SLC27A1: variants seen among roughly 807,000 people sequenced by gnomAD.
The protein encoded by SLC27A1 is long-chain fatty acid transport protein 1.
In SLC27A1, 61 loss-of-function variants were observed where a neutral mutation model predicts 62.2. The observed-to-expected ratio is 0.98, with a 90% CI of 0.80 to 1.21. SLC27A1 has a LOEUF of 1.21. SLC27A1 is among the 50% of genes most tolerant of loss of function. The probability of loss-of-function intolerance (pLI) is 0.00; values close to 1 mark genes in which losing one functional copy is unlikely to be tolerated. For missense variants in SLC27A1, 903 were observed against 932.1 expected, an observed-to-expected ratio of 0.97 and a Z score of 0.41; for synonymous variants, 435 against 408.6, an observed-to-expected ratio of 1.06 and a Z score of -0.78.
chr19:17,475,243 C>T (rs2075111899), intron 1 of SLC27A1, among the ~76,000 whole-genome samples: 2 of 152,158 alleles, frequency 1.3e-5, no homozygotes, highest in South Asian at 4.1e-4. Context: ...GAGTAAAATA[C>T]ATCAGAATTG....
At chr19:17,475,792 G>C (rs1427269344) in intron 1 of SLC27A1, among the ~76,000 whole-genome samples, 3 of 152,168 alleles carry the variant, frequency 2.0e-5, no homozygotes, top group African/African-American at 7.2e-5. Context: ...ATTCATCCTT[G>C]TTGATTTCTT....
At position 17,477,240 on chromosome 19, in the gene SLC27A1, CTTTTTTTTT is replaced by C. The variant is rs1221324202; in HGVS notation, c.167+6549_167+6557del. 4.1e-4 allele frequency among the ~76,000 whole-genome samples: 18 copies of C among 43,818 alleles called. No homozygotes were observed. The South Asian group carries it at 5.8e-3, about 14-fold the overall frequency. 28.7% of individuals were successfully genotyped at this position (43,818 alleles called of 152,430 possible). A position where few individuals can be genotyped will look rare whatever the true frequency, so the allele number is the denominator to read the frequency against. On this transcript the variant is annotated intron_variant, in intron 1 of 11. Transcript: ENST00000252595. ...TTATTGGTTGAATGGATGAGCAGCGCTTTTTTTTTTTTTTTTTTTTTTTTGAGACTGAAT... is the reference window on the plus strand; with the variant it reads ...TTATTGGTTGAATGGATGAGCAGCGCTTTTTTTTTTTTTTTGAGACTGAAT...
rs796436427 is a variant in SLC27A1, at chr19:17,476,895, T to G, written c.167+6188T>G. On this transcript the variant is annotated intron_variant, in intron 1 of 11. Transcript: ENST00000252595. ...AGAATGATCATCTGTTTTTTTTTTT[T>G]TTTTTTTTTTTGAGACATGGTCTCA... Among the ~76,000 whole-genome samples, 910 of 149,962 alleles carry G rather than the reference T, an allele frequency of 6.1e-3. 15 individuals are homozygous for G. The highest frequency in any genetic ancestry group is 0.027 in the Admixed American group (398 of 14,902).
chr19:17,500,090 G>A (rs938401662), intron 7 of SLC27A1, 188 bp from the exon 8 acceptor site: 11 of 845,930 alleles, frequency 1.3e-5, no homozygotes, highest in South Asian at 1.8e-5. Context: ...AGGCTGGGAA[G>A]GTGGGAGGAG....
chr19:17,483,057 C>G (rs557561317), intron 1 of SLC27A1, among the ~76,000 whole-genome samples: 1 of 140,668 alleles, frequency 7.1e-6, no homozygotes, highest in Admixed American at 6.8e-5. Context: ...AATGAGGGAA[C>G]GAGTGAAGGA....
chr19:17,472,092 C>A (rs1444449811), intron 1 of SLC27A1, among the ~76,000 whole-genome samples: 1 of 152,166 alleles, frequency 6.6e-6, no homozygotes, highest in Non-Finnish European at 1.5e-5. Context: ...TCCTTGTTGC[C>A]CTTAGAATTG....
At chr19:17,492,839 G>T (rs991577076) in intron 6 of SLC27A1, among the ~76,000 whole-genome samples, 10 of 152,098 alleles carry the variant, frequency 6.6e-5, no homozygotes, top group African/African-American at 2.4e-4. Flanking sequence ...TCAGGAGGCT[G>T]AGGCAGGAGA....
intron 1 of SLC27A1, among the ~76,000 whole-genome samples, chr19:17,476,027 A>G (rs1432825889): frequency 1.3e-5 from 2 of 152,158 alleles, no homozygotes; most frequent in East Asian, 3.9e-4. Context: ...TCTGGTGTTT[A>G]GCCTGACGGT....
Position 17,500,379 on chromosome 19 carries a change from G to A in SLC27A1, c.1308G>A (p.Gln436=). Residue 436 remains glutamine (Q), a synonymous_variant, in exon 8 of 12, where the codon CAG becomes CAA. Transcript: ENST00000252595. Reference sequence around the variant, plus strand: ...CAATGGAGCTGCTGCGGGATGCCCAGGGCCTCTGCATCCCCTGCCAGGCCG... The same window carrying A: ...CAATGGAGCTGCTGCGGGATGCCCAAGGCCTCTGCATCCCCTGCCAGGCCG... ...EDTMELLRDA[Q]GLCIPCQAGE... 2 of 1,614,094 alleles carry A rather than the reference G, an allele frequency of 1.2e-6. No individual in the cohort carries two copies. Among genetic ancestry groups the A allele is most frequent in the Non-Finnish European group, 1.7e-6 (2 of 1,179,970 alleles).
chr19:17,500,402 C>T lies in SLC27A1; in HGVS notation c.1331C>T (p.Ala444Val). ...DAQGLCIPCQ[A>V]GEPGLLVGQI... The stretch of plus-strand genomic sequence containing the variant: ...CAGGGCCTCTGCATCCCCTGCCAGG[C>T]CGGTGAGCAGGGCCCCCGCATGGTC... The change falls in exon 8 of 12, where the codon GCC becomes GTC. Residue 444 changes from alanine to valine, a missense_variant and splice_region_variant. By Grantham distance (64) the Ala-to-Val change is moderately conservative. Coordinates refer to ENST00000252595, the MANE Select transcript of SLC27A1 (RefSeq NM_198580.3). The T allele has an allele frequency of 6.2e-7, 1 of 1,613,724 alleles. No individual in the cohort carries two copies. Among genetic ancestry groups the T allele is most frequent in the Non-Finnish European group, 8.5e-7 (1 of 1,179,792 alleles).
At chr19:17,469,728 T>C (rs1229608637), upstream of SLC27A1, among the ~76,000 whole-genome samples, 1 of 150,080 alleles carries the variant, frequency 6.7e-6, no homozygotes, top group Non-Finnish European at 1.5e-5. Context: ...GCCTAGGTCC[T>C]AGGGGGGCCG....
At chr19:17,472,711 G>T (rs1311433943) in intron 1 of SLC27A1, among the ~76,000 whole-genome samples, 1 of 152,004 alleles carries the variant, frequency 6.6e-6, no homozygotes, top group African/African-American at 2.4e-5. Flanking sequence ...AATTTTAGTA[G>T]AGATGGGGTT....
chr19:17,494,020 C>CTTTTTT (rs35491603), intron 6 of SLC27A1, among the ~76,000 whole-genome samples: 28 of 135,788 alleles, frequency 2.1e-4, no homozygotes, highest in African/African-American at 7.3e-4. Flanking sequence ...GTAGCTGTTT[C>CTTTTTT]TTTTTTTTTT....
Position 17,502,335 on chromosome 19 carries a change from G to GTTTTTTTTTTTTTTTTTTTTT in SLC27A1, c.1783+924_1783+925insTTTTTTTTTTTTTTTTTTTTT, listed in dbSNP as rs1175394305. Among the ~76,000 whole-genome samples, 5 of 75,902 alleles carry GTTTTTTTTTTTTTTTTTTTTT rather than the reference G, an allele frequency of 6.6e-5. 2 individuals are homozygous for GTTTTTTTTTTTTTTTTTTTTT. The highest frequency in any genetic ancestry group is 9.8e-5 in the African/African-American group (2 of 20,394). 49.8% of individuals were successfully genotyped at this position (75,902 alleles called of 152,430 possible). Reference sequence around the variant, plus strand: ...CTGCCACTAAGCATTCTGAAATAGTGTTTTTTTTGTTTTTTTTTTTTTTTT... The same window carrying GTTTTTTTTTTTTTTTTTTTTT: ...CTGCCACTAAGCATTCTGAAATAGTGTTTTTTTTTTTTTTTTTTTTTTTTTTTTTGTTTTTTTTTTTTTTTT... On this transcript the variant is annotated intron_variant, in intron 11 of 11. Transcript: ENST00000252595.
Position 17,501,655 on chromosome 19 carries a change from T to C in SLC27A1, c.1783+236T>C, listed in dbSNP as rs575613094. 1.1e-4 allele frequency among the ~76,000 whole-genome samples: 16 copies of C among 151,456 alleles called. No individual in the cohort carries two copies. In the South Asian group the frequency reaches 3.3e-3, roughly 32 times the overall value. ...TGTCTCTACTAAAAATACAAAAAAT[T>C]AGCCGGGCACGGTTGCGGGTGCCTG... On this transcript the variant is annotated intron_variant, in intron 11 of 11. Transcript: ENST00000252595.
intron 1 of SLC27A1, among the ~76,000 whole-genome samples, chr19:17,474,910 G>A (rs1721325076): frequency 7.1e-6 from 1 of 140,252 alleles, no homozygotes; most frequent in South Asian, 2.4e-4. Flanking sequence ...GATTACAGGT[G>A]TGAGCCACTG....
intron 6 of SLC27A1, among the ~76,000 whole-genome samples, chr19:17,493,889 C>G (rs182533699): frequency 4.6e-5 from 7 of 152,184 alleles, no homozygotes; most frequent in African/African-American, 1.7e-4. Flanking sequence ...GCCTCCCAAA[C>G]TGCTGGGATT....
rs2075478325 is a variant in SLC27A1, at chr19:17,506,138, ATTGAT to A, written c.*1529_*1533del. On this transcript the variant is annotated 3_prime_UTR_variant, in exon 12 of 12. Coordinates refer to ENST00000252595, the MANE Select transcript of SLC27A1 (RefSeq NM_198580.3). The stretch of plus-strand genomic sequence containing the variant: ...CTGGGCACTGTGGTTTTATTTCCTA[ATTGAT>A]TTAAGAAATAAACCTGAAGACCGTC... The A allele has an allele frequency of 6.6e-6, 1 of 152,098 alleles. No homozygotes were observed. The highest frequency in any genetic ancestry group is 2.4e-5 in the African/African-American group (1 of 41,414). 9.4% of individuals were successfully genotyped at this position (152,098 alleles called of 1,614,324 possible).
chr19:17,471,507 A>G (rs1462660797), intron 1 of SLC27A1, among the ~76,000 whole-genome samples: 2 of 151,808 alleles, frequency 1.3e-5, no homozygotes, highest in Non-Finnish European at 2.9e-5. Context: ...GACTTGCTCA[A>G]ACGAGCCGTT....
Sources: allele counts gnomAD v4.1 joint callset (sites outside exome capture counted in the v4.1 genomes callset), GRCh38; gene constraint gnomAD v4.1.1; transcripts MANE v1.5; gene names NCBI Gene and HGNC (gene_info 2026-07-23, HGNC 2026-07-21).